Variants in USP25 observed in about 807,000 individuals in gnomAD.
The protein encoded by USP25 is ubiquitin carboxyl-terminal hydrolase 25.
USP25 carries 85 observed loss-of-function variants against 158.5 expected under a neutral mutation model. The observed-to-expected ratio is 0.54, with a 90% confidence interval of 0.45 to 0.64. The LOEUF (loss-of-function observed/expected upper bound fraction) is 0.64, where lower values mean the gene tolerates loss of function less well. USP25 is among the 30% of genes least tolerant of loss of function. The pLI, the probability that USP25 is intolerant of heterozygous loss-of-function variation, is 0.00. For missense variants in USP25, 1,242 were observed against 1,327.3 expected, an observed-to-expected ratio of 0.94 and a Z score of 1.00; for synonymous variants, 464 against 460.4, an observed-to-expected ratio of 1.01 and a Z score of -0.10.
rs773081621 is a variant in USP25 at position 15,765,997 on chromosome 21, G to C, written c.124G>C (p.Asp42His). The change falls in exon 3 of 26, where the codon GAT (aspartate) becomes CAT (histidine). Residue 42 changes from aspartate (D) to histidine (H), a missense_variant and splice_region_variant. Transcript: ENST00000400183. ...GATACTCCTTTCTTGATATTTGAAGGATAGTAATGGAAACTTGGAATTAGC... is the reference window on the plus strand; with the variant it reads ...GATACTCCTTTCTTGATATTTGAAGCATAGTAATGGAAACTTGGAATTAGC... ...DTQILQQALK[D>H]SNGNLELAVA... The C allele has an allele frequency of 1.3e-6, 2 of 1,599,782 alleles. No homozygotes were observed. The highest frequency in any genetic ancestry group is 1.7e-6 in the Non-Finnish European group (2 of 1,174,564).
intron 19 of USP25, among the ~76,000 whole-genome samples, chr21:15,849,079 G>A (rs74497691): frequency 7.0e-4 from 106 of 152,162 alleles, no homozygotes; most frequent in African/African-American, 2.5e-3. Flanking sequence ...GAAAATTATG[G>A]GAACTGGCAT....
chr21:15,824,889 G>T, intron 11 of USP25, 77 bp from the exon 12 acceptor site: 10 of 1,181,820 alleles, frequency 8.5e-6, no homozygotes, highest in Non-Finnish European at 1.1e-5. Flanking sequence ...GTGGTAGGCC[G>T]GGTACGCTGG....
chr21:15,735,052 G>T (rs1330881682), intron 1 of USP25, among the ~76,000 whole-genome samples: 2 of 152,178 alleles, frequency 1.3e-5, no homozygotes, highest in Admixed American at 6.5e-5. Flanking sequence ...TGTATTAAGG[G>T]TTGGATAAAC....
chr21:15,801,578 T>C (rs1167063388), intron 6 of USP25, among the ~76,000 whole-genome samples: 4 of 151,640 alleles, frequency 2.6e-5, no homozygotes, highest in South Asian at 2.1e-4. Flanking sequence ...TAGATAGTTA[T>C]CAGCCACTGA....
intron 20 of USP25, among the ~76,000 whole-genome samples, chr21:15,851,692 T>C (rs1191853139): frequency 6.6e-6 from 1 of 152,098 alleles, no homozygotes; most frequent in Admixed American, 6.6e-5. Context: ...GCTTAGTTTA[T>C]GTGTATTACT....
intron 17 of USP25, among the ~76,000 whole-genome samples, chr21:15,835,999 A>G (rs1430578262): frequency 6.6e-6 from 1 of 152,152 alleles, no homozygotes; most frequent in East Asian, 1.9e-4. Context: ...ATTTTATTTT[A>G]ATGTCCATGC....
chr21:15,778,580 T>TTA (rs1296972421), intron 4 of USP25, among the ~76,000 whole-genome samples: 3 of 152,108 alleles, frequency 2.0e-5, no homozygotes, highest in Non-Finnish European at 4.4e-5. Flanking sequence ...GATAATATGT[T>TTA]TATATATATT....
chr21:15,869,248 C>CAA (rs11300775), intron 22 of USP25, among the ~76,000 whole-genome samples: 11 of 100,550 alleles, frequency 1.1e-4, no homozygotes, highest in South Asian at 3.2e-4. Context: ...ACCCTGTCTC[C>CAA]AAAAAAAAAA....
At chr21:15,769,144 C>T (rs970694423) in intron 3 of USP25, among the ~76,000 whole-genome samples, 3 of 151,966 alleles carry the variant, frequency 2.0e-5, no homozygotes, top group Non-Finnish European at 4.4e-5. Context: ...CCTGGTGTGT[C>T]AGAGGCTAAA....
intron 3 of USP25, among the ~76,000 whole-genome samples, chr21:15,767,638 T>A (rs2034117724): frequency 2.0e-5 from 3 of 152,002 alleles, no homozygotes; most frequent in Admixed American, 6.6e-5. Context: ...TTTTGGATAT[T>A]TCAAAGTTCC....
At chr21:15,865,763 C>CA (rs2039629197) in intron 21 of USP25, among the ~76,000 whole-genome samples, 4 of 152,090 alleles carry the variant, frequency 2.6e-5, no homozygotes. Flanking sequence ...GCTTGAAAGA[C>CA]AGAGTTATGC....
chr21:15,829,654 A>G (rs2037701270), intron 14 of USP25, among the ~76,000 whole-genome samples: 1 of 152,118 alleles, frequency 6.6e-6, no homozygotes, highest in African/African-American at 2.4e-5. Flanking sequence ...TATTTTTCTT[A>G]TTACTTAATA....
chr21:15,839,310 G>A (rs1404461356), intron 17 of USP25, among the ~76,000 whole-genome samples: 1 of 152,104 alleles, frequency 6.6e-6, no homozygotes, highest in Admixed American at 6.5e-5. Context: ...ATAGCTGTGG[G>A]CCACTAGTGA....
At chr21:15,811,276 T>C in intron 9 of USP25, 66 bp downstream of exon 9, 1 of 1,416,702 alleles carries the variant, frequency 7.1e-7, no homozygotes, top group Non-Finnish European at 9.7e-7. Context: ...TTCGTCTCGA[T>C]AGTTACTATT....
intron 20 of USP25, among the ~76,000 whole-genome samples, chr21:15,862,079 T>A (rs2146544807): frequency 6.6e-6 from 1 of 152,224 alleles, no homozygotes; most frequent in East Asian, 1.9e-4. Context: ...TGATGACCAT[T>A]TAGTGGAATC....
intron 11 of USP25, among the ~76,000 whole-genome samples, chr21:15,824,498 C>T (rs114858787): frequency 0.013 from 1,917 of 151,682 alleles, 40 homozygotes; most frequent in African/African-American, 0.045. Flanking sequence ...AATATTGTAT[C>T]TATCTATCTT....
At chr21:15,842,668 TCAGTGACCATGGGCAAGTC>T (rs2038396890) in intron 18 of USP25, 128 bp downstream of exon 18, 2 of 1,148,660 alleles carry the variant, frequency 1.7e-6, no homozygotes, top group African/African-American at 3.1e-5. Flanking sequence ...ATGGGCATGA[TCAGTGACCATGGGCAAGTC>T]ATCTCATGCC....
At chr21:15,771,795 A>G (rs1382735508) in intron 3 of USP25, among the ~76,000 whole-genome samples, 2 of 151,772 alleles carry the variant, frequency 1.3e-5, no homozygotes, top group African/African-American at 4.8e-5. Context: ...CTGCCCTGCT[A>G]CATATTCTTA....
intron 1 of USP25, among the ~76,000 whole-genome samples, chr21:15,747,372 G>A (rs1323075880): frequency 1.3e-5 from 2 of 151,498 alleles, no homozygotes; most frequent in Admixed American, 6.6e-5. Context: ...ACCATATATA[G>A]TATGGTTCAG....
Sources: gnomAD v4.1 joint callset for allele counts (sites outside exome capture counted in the v4.1 genomes callset) on GRCh38, gnomAD v4.1.1 for gene constraint, MANE v1.5 for transcripts, NCBI Gene and HGNC (gene_info 2026-07-23, HGNC 2026-07-21) for gene names.